Variants in LAMA2 observed in about 807,000 individuals in gnomAD.
The protein encoded by LAMA2 is laminin subunit alpha-2.
A neutral mutation model predicts 364.8 loss-of-function variants in LAMA2; 269 were observed. That is an observed-to-expected ratio of 0.74 (90% CI 0.67 to 0.82). The LOEUF (loss-of-function observed/expected upper bound fraction) is 0.82. Among genes scored for constraint, LAMA2 ranks in the 40% least tolerant of loss-of-function variants. LAMA2 has a pLI of 0.00. For synonymous variants in LAMA2, 1,379 were observed against 1,370.6 expected (o/e 1.01, Z -0.14); for missense variants, 3,807 against 3,873.2 (o/e 0.98, Z 0.45).
At chr6:128,985,041 A>G (rs1372051612) in intron 1 of LAMA2, among the ~76,000 whole-genome samples, 1 of 152,174 alleles carries the variant, frequency 6.6e-6, no homozygotes, top group African/African-American at 2.4e-5. Flanking sequence ...TTCCTTTGAT[A>G]TAAATCATAA....
chr6:129,309,222 C>T (rs185176872), intron 22 of LAMA2, among the ~76,000 whole-genome samples: 146 of 152,308 alleles, frequency 9.6e-4, no homozygotes, highest in Middle Eastern at 3.4e-3. Flanking sequence ...AAGTAGAATA[C>T]GAAGCCTGCC....
At chr6:128,919,858 C>T (rs1381197145) in intron 1 of LAMA2, among the ~76,000 whole-genome samples, 2 of 152,150 alleles carry the variant, frequency 1.3e-5, no homozygotes, top group Admixed American at 1.3e-4. Flanking sequence ...AACTGCTGCC[C>T]CAGCCTAATT....
chr6:129,188,688 C>T (rs66739459), intron 10 of LAMA2, among the ~76,000 whole-genome samples: 28,009 of 151,764 alleles, frequency 0.18, 5,020 homozygotes, highest in African/African-American at 0.47. Context: ...TAAGCTGGCA[C>T]AAATCTTGGG....
At chr6:129,318,092 G>A (rs1774726616) in intron 27 of LAMA2, among the ~76,000 whole-genome samples, 1 of 152,112 alleles carries the variant, frequency 6.6e-6, no homozygotes, top group South Asian at 2.1e-4. Context: ...ATTTGATTTT[G>A]TAAGGCAGTG....
chr6:128,987,661 GA>G (rs1388121703), intron 1 of LAMA2, among the ~76,000 whole-genome samples: 1 of 152,146 alleles, frequency 6.6e-6, no homozygotes, highest in African/African-American at 2.4e-5. Context: ...TTGGGGCAGA[GA>G]AAATGAGAAA....
intron 9 of LAMA2, among the ~76,000 whole-genome samples, chr6:129,168,404 C>A (rs1474666940): frequency 6.6e-6 from 1 of 152,176 alleles, no homozygotes; most frequent in Non-Finnish European, 1.5e-5. Flanking sequence ...TCTCCCAGCA[C>A]CATTTATTAA....
chr6:129,260,729 T>G lies in LAMA2; in HGVS notation c.2115T>G (p.Leu705=), dbSNP rs149753273. The change falls in exon 15 of 65, where the codon CTT becomes CTG. Residue 705 remains leucine (L), a synonymous_variant. Transcript: ENST00000421865. ...DAIFRLSSVN[L]ESAVSYPTDG... ...GCCATAGGTTGAGCTCTGTTAACCT[T>G]GAATCCGCTGTCTCCTATCCTACTG... 1.2e-3 allele frequency: 2,002 copies of G among 1,611,532 alleles called. 5 individuals are homozygous for G. Among genetic ancestry groups the G allele is most frequent in the Non-Finnish European group, 1.6e-3 (1,902 of 1,177,820 alleles).
chr6:129,382,002 C>T (rs764522554), intron 34 of LAMA2, among the ~76,000 whole-genome samples: 1 of 152,182 alleles, frequency 6.6e-6, no homozygotes, highest in Non-Finnish European at 1.5e-5. Context: ...GCGTCTTTTA[C>T]CATGTTCTGT....
chr6:129,029,197 A>G (rs1056657745), intron 1 of LAMA2, among the ~76,000 whole-genome samples: 3 of 152,016 alleles, frequency 2.0e-5, no homozygotes, highest in Non-Finnish European at 2.9e-5. Flanking sequence ...AAGATGATGA[A>G]GAAATTACTC....
rs776050258 is a variant in LAMA2 at position 129,353,362 on chromosome 6, G to A, written c.4717+5G>A. ...GCGAGGGCTGGGAGTGTGTTTGTAC[G>A]TATACTAACTTTGCTGTTAGTTTTG... On this transcript the variant is annotated splice_donor_5th_base_variant and intron_variant, in intron 32 of 64. Coordinates refer to ENST00000421865, the MANE Select transcript of LAMA2 (RefSeq NM_000426.4). The A allele has an allele frequency of 1.2e-5, 19 of 1,611,934 alleles. No homozygotes were observed. The highest frequency in any genetic ancestry group is 2.2e-5 in the East Asian group (1 of 44,830).
chr6:128,919,319 T>G (rs1038737569), intron 1 of LAMA2, among the ~76,000 whole-genome samples: 1 of 152,216 alleles, frequency 6.6e-6, no homozygotes, highest in Non-Finnish European at 1.5e-5. Flanking sequence ...GTTTTAAACT[T>G]TAATGTATAA....
intron 1 of LAMA2, among the ~76,000 whole-genome samples, chr6:128,964,043 GCACTTTGAAAAAAA>G: frequency 6.6e-6 from 1 of 152,076 alleles, no homozygotes; most frequent in East Asian, 1.9e-4. Context: ...GGCATTCAAT[GCACTTTGAAAAAAA>G]CACAGTCTTT....
chr6:128,920,754 TTGAACAA>T (rs1778656016), intron 1 of LAMA2, among the ~76,000 whole-genome samples: 1 of 151,854 alleles, frequency 6.6e-6, no homozygotes. Context: ...TGTGCACATG[TTGAACAA>T]ATTCATGAGA....
chr6:129,056,879 C>T (rs4475345), intron 2 of LAMA2, among the ~76,000 whole-genome samples: 75,817 of 149,246 alleles, frequency 0.51, 21,034 homozygotes, highest in East Asian at 0.81. Context: ...TACAGGCACC[C>T]GCCACCATGC....
chr6:129,251,074 C>CTATATATA (rs1194499275), intron 13 of LAMA2, among the ~76,000 whole-genome samples: 33 of 60,526 alleles, frequency 5.5e-4, no homozygotes, highest in African/African-American at 1.5e-3. Flanking sequence ...CTCTCTCTCT[C>CTATATATA]TCTATATATA....
chr6:129,478,630 C>A, intron 53 of LAMA2, 63 bp from the exon 54 acceptor site: 2 of 1,575,676 alleles, frequency 1.3e-6, no homozygotes, highest in Non-Finnish European at 1.7e-6. Flanking sequence ...TTCCCATAGT[C>A]AGAGACTACA....
chr6:129,249,193 C>A (rs1055294189), intron 12 of LAMA2, among the ~76,000 whole-genome samples: 2 of 152,114 alleles, frequency 1.3e-5, no homozygotes, highest in Admixed American at 6.5e-5. Flanking sequence ...AGAGAGCCAA[C>A]CCTGCGAAGC....
intron 4 of LAMA2, among the ~76,000 whole-genome samples, chr6:129,107,802 T>C (rs1775919006): frequency 6.6e-6 from 1 of 152,148 alleles, no homozygotes; most frequent in Admixed American, 6.5e-5. Context: ...TTTTTGGAGC[T>C]GTGATTTGAA....
chr6:129,227,999 G>C (rs925020742), intron 12 of LAMA2, among the ~76,000 whole-genome samples: 1 of 152,142 alleles, frequency 6.6e-6, no homozygotes, highest in South Asian at 2.1e-4. Context: ...CCCAGCCACA[G>C]TTTGTTTGCC....
Sources: gnomAD v4.1 joint callset for allele counts (sites outside exome capture counted in the v4.1 genomes callset) on GRCh38, gnomAD v4.1.1 for gene constraint, MANE v1.5 for transcripts, NCBI Gene and HGNC (gene_info 2026-07-23, HGNC 2026-07-21) for gene names.